Variants in CNTNAP2 observed in about 807,000 individuals in gnomAD.
CNTNAP2 encodes contactin-associated protein-like 2.
A neutral mutation model predicts 155.2 loss-of-function variants in CNTNAP2; 98 were observed. That is an observed-to-expected ratio of 0.63 (90% CI 0.54 to 0.75). The LOEUF (loss-of-function observed/expected upper bound fraction) is 0.75. Among genes scored for constraint, CNTNAP2 ranks in the 30% least tolerant of loss-of-function variants. CNTNAP2 has a pLI of 0.00. For synonymous variants in CNTNAP2, 651 were observed against 631.2 expected (o/e 1.03, Z -0.47); for missense variants, 1,727 against 1,688.1 (o/e 1.02, Z -0.40).
intron 1 of CNTNAP2, among the ~76,000 whole-genome samples, chr7:146,398,739 G>T (rs1459114987): frequency 6.6e-6 from 1 of 151,998 alleles, no homozygotes; most frequent in South Asian, 2.1e-4. Context: ...AGGTCTCTCT[G>T]TGAAAAGTCA....
At chr7:146,222,983 G>T (rs1277786013) in intron 1 of CNTNAP2, among the ~76,000 whole-genome samples, 1 of 152,052 alleles carries the variant, frequency 6.6e-6, no homozygotes, top group Non-Finnish European at 1.5e-5. Flanking sequence ...TTTTTAAGAT[G>T]ACAGTGAGGA....
At chr7:146,654,883 G>T (rs1799970508) in intron 1 of CNTNAP2, among the ~76,000 whole-genome samples, 1 of 152,096 alleles carries the variant, frequency 6.6e-6, no homozygotes, top group Non-Finnish European at 1.5e-5. Context: ...AATCCAAAAT[G>T]CATTTATGGA....
intron 21 of CNTNAP2, among the ~76,000 whole-genome samples, chr7:148,274,464 G>A (rs1563021277): frequency 6.6e-6 from 1 of 152,208 alleles, no homozygotes; most frequent in Non-Finnish European, 1.5e-5. Flanking sequence ...GGGGCCTGGT[G>A]GGAGGTGTTT....
intron 1 of CNTNAP2, among the ~76,000 whole-genome samples, chr7:146,645,881 T>C (rs1799803121): frequency 6.6e-6 from 1 of 152,104 alleles, no homozygotes; most frequent in Non-Finnish European, 1.5e-5. Context: ...TCTTCAATAG[T>C]GTTGGTAATA....
chr7:146,118,512 C>T lies in CNTNAP2; in HGVS notation c.97+1539C>T, dbSNP rs909122096. Among the ~76,000 whole-genome samples, 6 of 152,204 alleles carry T rather than the reference C, an allele frequency of 3.9e-5. No homozygotes were observed. In the East Asian group the frequency reaches 7.7e-4, roughly 20 times the overall value. ...TCTGGTTGTATAGAATTTCCTGCCA[C>T]TTTTCCTGGAAAATAAACTCCTCAT... On this transcript the variant is annotated intron_variant, in intron 1 of 23. Coordinates refer to ENST00000361727, the MANE Select transcript of CNTNAP2 (RefSeq NM_014141.6).
chr7:148,267,012 T>C, intron 20 of CNTNAP2, 21 bp from the exon 21 acceptor site: 1 of 1,610,084 alleles, frequency 6.2e-7, no homozygotes, highest in Non-Finnish European at 8.5e-7. Context: ...TCTAAAAGTG[T>C]CTCTTGTTTT....
chr7:146,865,259 A>C (rs1488105665), intron 3 of CNTNAP2, among the ~76,000 whole-genome samples: 2 of 152,022 alleles, frequency 1.3e-5, no homozygotes, highest in Non-Finnish European at 2.9e-5. Flanking sequence ...TTAATTGTAA[A>C]ATATGTTAAC....
At chr7:148,340,971 G>T (rs1798218708) in intron 21 of CNTNAP2, among the ~76,000 whole-genome samples, 1 of 152,228 alleles carries the variant, frequency 6.6e-6, no homozygotes, top group Non-Finnish European at 1.5e-5. Context: ...ACAAACGGGA[G>T]GTCTAGACAG....
intron 1 of CNTNAP2, among the ~76,000 whole-genome samples, chr7:146,386,914 T>A (rs1795469343): frequency 6.6e-6 from 1 of 152,064 alleles, no homozygotes; most frequent in African/African-American, 2.4e-5. Context: ...AAGGTTGTGG[T>A]TTGAGATAGA....
chr7:147,252,696 T>C, intron 8 of CNTNAP2, among the ~76,000 whole-genome samples: 1 of 152,108 alleles, frequency 6.6e-6, no homozygotes, highest in East Asian at 1.9e-4. Context: ...CTAATTATAA[T>C]ACCAAACTCA....
intron 3 of CNTNAP2, among the ~76,000 whole-genome samples, chr7:146,880,983 A>G (rs1157151104): frequency 6.6e-6 from 1 of 152,208 alleles, no homozygotes; most frequent in African/African-American, 2.4e-5. Flanking sequence ...TGTTGAAGCT[A>G]TAATGTGAGC....
At chr7:147,080,710 T>A (rs917029892) in intron 4 of CNTNAP2, among the ~76,000 whole-genome samples, 1 of 148,064 alleles carries the variant, frequency 6.8e-6, no homozygotes, top group African/African-American at 2.5e-5. Flanking sequence ...TAAATATATA[T>A]AAATATATAT....
At chr7:148,224,932 C>T (rs983376958) in intron 19 of CNTNAP2, among the ~76,000 whole-genome samples, 4 of 152,180 alleles carry the variant, frequency 2.6e-5, no homozygotes, top group Non-Finnish European at 1.5e-5. Flanking sequence ...GGTAACCACC[C>T]TCATGATTCA....
At chr7:147,208,090 T>A (rs1194745071) in intron 8 of CNTNAP2, among the ~76,000 whole-genome samples, 1 of 152,118 alleles carries the variant, frequency 6.6e-6, no homozygotes, top group Non-Finnish European at 1.5e-5. Flanking sequence ...CATATTCCTT[T>A]CCTTTGCAGA....
At chr7:147,302,652 C>A (rs1427729336) in intron 9 of CNTNAP2, among the ~76,000 whole-genome samples, 2 of 152,192 alleles carry the variant, frequency 1.3e-5, no homozygotes, top group Non-Finnish European at 2.9e-5. Context: ...TTAAAAACTT[C>A]AAGTGATTCT....
intron 15 of CNTNAP2, among the ~76,000 whole-genome samples, chr7:148,110,094 T>A: frequency 6.6e-6 from 1 of 151,848 alleles, no homozygotes; most frequent in Middle Eastern, 3.2e-3. Context: ...AGAAAAGGCC[T>A]AGGCAAACTC....
intron 13 of CNTNAP2, among the ~76,000 whole-genome samples, chr7:147,742,469 G>A (rs985290148): frequency 6.6e-6 from 1 of 152,310 alleles, no homozygotes; most frequent in East Asian, 1.9e-4. Context: ...TGTTATCAGT[G>A]TTTCGACAGG....
At chr7:147,526,167 G>C (rs550935855) in intron 11 of CNTNAP2, among the ~76,000 whole-genome samples, 1 of 150,512 alleles carries the variant, frequency 6.6e-6, no homozygotes, top group African/African-American at 2.5e-5. Flanking sequence ...ACTCCAGCCT[G>C]GGAGACAGAG....
rs927869108 is a variant in CNTNAP2 at position 148,046,834 on chromosome 7, G to A, written c.2383+68845G>A. 9.8e-5 allele frequency among the ~76,000 whole-genome samples: 15 copies of A among 152,290 alleles called. 1 individual carries two copies. The South Asian group carries it at 2.5e-3, about 25-fold the overall frequency. ...GCCAACTGCTTCTGTTTCAAACACA[G>A]AAGAATGTTCTTCAATTTTTCATTT... On this transcript the variant is annotated intron_variant, in intron 15 of 23. Transcript: ENST00000361727.
Sources: allele counts gnomAD v4.1 joint callset (sites outside exome capture counted in the v4.1 genomes callset), GRCh38; gene constraint gnomAD v4.1.1; transcripts MANE v1.5; gene names NCBI Gene and HGNC (gene_info 2026-07-23, HGNC 2026-07-21).